The following NIBAN3 variants were observed in gnomAD, a reference collection of about 807,000 sequenced individuals.
NIBAN3 encodes the protein niban apoptosis regulator 3.
NIBAN3 carries 66 observed loss-of-function variants against 76.4 expected under a neutral mutation model. The observed-to-expected ratio is 0.86, with a 90% confidence interval of 0.71 to 1.06. The LOEUF is 1.06. NIBAN3 is among the 50% of genes least tolerant of loss of function. The pLI is 0.00. For synonymous variants in NIBAN3, 360 were observed against 355.2 expected, an observed-to-expected ratio of 1.01 and a Z score of -0.15; for missense variants, 808 against 810.7, an observed-to-expected ratio of 1.00 and a Z score of 0.04.
Position 17,540,383 on chromosome 19 carries a change from C to G in NIBAN3, c.980-9C>G. On this transcript the variant is annotated splice_polypyrimidine_tract_variant and intron_variant, in intron 8 of 14. Coordinates refer to ENST00000599164, the MANE Select transcript of NIBAN3 (RefSeq NM_001321827.2). ...GAGGGGACTCCAGACCAGTGTCTTC[C>G]ACTCCCAGCGGATATCAGGGGACCG... 1 of 1,471,012 alleles carries G rather than the reference C, an allele frequency of 6.8e-7. No individual in the cohort carries two copies. The highest frequency in any genetic ancestry group is 9.0e-7 in the Non-Finnish European group (1 of 1,106,136). The allele number at this position is 1,471,012 out of a possible 1,614,324, so 91.1% of individuals were successfully genotyped here. A position where few individuals can be genotyped will look rare whatever the true frequency, so the allele number is the denominator to read the frequency against.
chr19:17,536,709 A>G (rs976263778), intron 4 of NIBAN3, among the ~76,000 whole-genome samples: 1 of 152,198 alleles, frequency 6.6e-6, no homozygotes, highest in Non-Finnish European at 1.5e-5. Flanking sequence ...CTGGTCCCCA[A>G]ATAAATTAAC....
At chr19:17,524,210 C>T (rs1271694180), upstream of NIBAN3, among the ~76,000 whole-genome samples, 2 of 150,798 alleles carry the variant, frequency 1.3e-5, no homozygotes, top group African/African-American at 2.4e-5. Flanking sequence ...CTTTCATCTC[C>T]GTGACCCCTC....
Position 17,542,453 on chromosome 19 carries a change from G to A in NIBAN3, c.1329+159G>A, listed in dbSNP as rs2075972591. On this transcript the variant is annotated intron_variant, in intron 10 of 14. Coordinates refer to ENST00000599164, the MANE Select transcript of NIBAN3 (RefSeq NM_001321827.2). The surrounding 1 kb of genome is among the most constrained non-coding windows in gnomAD (Gnocchi z 4.8). Reference sequence around the variant, plus strand: ...GCCCGTGACCAGGCAGCAGCCACATGTGGTGGACAGAGCTGGGGCAGGGTG... The same window carrying A: ...GCCCGTGACCAGGCAGCAGCCACATATGGTGGACAGAGCTGGGGCAGGGTG... Among the ~76,000 whole-genome samples the A allele has an allele frequency of 6.6e-6, 1 of 152,236 alleles. No homozygotes were observed. Among genetic ancestry groups the A allele is most frequent in the African/African-American group, 2.4e-5 (1 of 41,458 alleles).
At chr19:17,524,705 C>T (rs1019088655), upstream of NIBAN3, among the ~76,000 whole-genome samples, 2 of 152,212 alleles carry the variant, frequency 1.3e-5, no homozygotes, top group African/African-American at 4.8e-5. Flanking sequence ...GGAGAGACAC[C>T]ATTCAGGGCT....
chr19:17,539,389 C>A lies in NIBAN3; in HGVS notation c.754C>A (p.Arg252=). ...GATGCGGGAGCAACTTCCCGCGCTG[C>A]GAGCCCAGACCCTTCCTGGCCTGCG... The part of the protein sequence containing the change: ...VLMREQLPAL[R]AQTLPGLRGA... Residue 252 remains arginine, a synonymous_variant, in exon 7 of 15, where the codon CGA becomes AGA. Transcript: ENST00000599164. 1 of 1,540,250 alleles carries A rather than the reference C, an allele frequency of 6.5e-7. No individual in the cohort carries two copies. The highest frequency in any genetic ancestry group is 8.7e-7 in the Non-Finnish European group (1 of 1,145,796).
chr19:17,553,795 T>C, downstream of NIBAN3: 1 of 460,214 alleles, frequency 2.2e-6, no homozygotes, highest in Non-Finnish European at 3.9e-6. Flanking sequence ...GGGATGTATC[T>C]TGTCACCTCC....
At position 17,553,464 on chromosome 19, in the gene NIBAN3, C is replaced by T. The variant is rs777782101; in HGVS notation, c.*1566C>T. On this transcript the variant is annotated 3_prime_UTR_variant, in exon 15 of 15. Coordinates refer to ENST00000599164, the MANE Select transcript of NIBAN3 (RefSeq NM_001321827.2). ...TCCGGAGTGGGTTCCACAGGGATTCCCGTGTGTTCTTGGTTCAGCTTGCAG... is the reference window on the plus strand; with the variant it reads ...TCCGGAGTGGGTTCCACAGGGATTCTCGTGTGTTCTTGGTTCAGCTTGCAG... 2.5e-6 allele frequency: 4 copies of T among 1,614,182 alleles called. No individual in the cohort carries two copies. Among genetic ancestry groups the T allele is most frequent in the Non-Finnish European group, 3.4e-6 (4 of 1,180,044 alleles).
chr19:17,540,447 GC>G lies in NIBAN3; in HGVS notation c.1039del (p.Arg347GlyfsTer57). The G allele has an allele frequency of 1.3e-6, 2 of 1,567,990 alleles. No individual in the cohort carries two copies. The highest frequency in any genetic ancestry group is 2.4e-5 in the East Asian group (1 of 41,892). The part of the protein sequence containing the change: ...CLRREVDPQL[P>X]RVVQTLLRTV... ...TGCGCCGGGAGGTGGACCCGCAGCT[GC>G]CCCGGGTCGTGCAGACCCTGCTGCG... On this transcript the variant is annotated frameshift_variant, in exon 9 of 15. Coordinates refer to ENST00000599164, the MANE Select transcript of NIBAN3 (RefSeq NM_001321827.2). LOFTEE classifies it high-confidence loss of function.
downstream of NIBAN3, chr19:17,555,514 C>T (rs2076203941): frequency 5.6e-6 from 2 of 357,180 alleles, no homozygotes; most frequent in Non-Finnish European, 8.7e-6. Context: ...GGTGCGGGGG[C>T]GGGGCGTCCT....
At chr19:17,524,724 A>G (rs2075588681), upstream of NIBAN3, among the ~76,000 whole-genome samples, 1 of 152,260 alleles carries the variant, frequency 6.6e-6, no homozygotes, top group South Asian at 2.1e-4. Flanking sequence ...CTGGTAGAGC[A>G]ATGTCACACA....
At chr19:17,529,739 A>G (rs1330500687) in intron 1 of NIBAN3, among the ~76,000 whole-genome samples, 2 of 152,202 alleles carry the variant, frequency 1.3e-5, no homozygotes, top group Admixed American at 1.3e-4. Flanking sequence ...TGATTGTGTC[A>G]AAGCTCAGCA....
chr19:17,531,595 G>T (rs768385344), intron 2 of NIBAN3, among the ~76,000 whole-genome samples: 1 of 152,078 alleles, frequency 6.6e-6, no homozygotes, highest in Non-Finnish European at 1.5e-5. Flanking sequence ...GTTCAGTGGC[G>T]CAATCTTAGC....
chr19:17,535,745 C>CAAAAAAAAAAAAAA (rs1163900162), intron 4 of NIBAN3, among the ~76,000 whole-genome samples: 1 of 86,026 alleles, frequency 1.2e-5, no homozygotes, highest in African/African-American at 4.4e-5. Flanking sequence ...AAGACTCTGT[C>CAAAAAAAAAAAAAA]AAAAAAAAAA....
chr19:17,529,165 A>T (rs2075664937), intron 1 of NIBAN3, among the ~76,000 whole-genome samples: 1 of 152,120 alleles, frequency 6.6e-6, no homozygotes, highest in Non-Finnish European at 1.5e-5. Context: ...TCATTCTCTT[A>T]TATGTAAAAT....
At chr19:17,547,290 G>A (rs1768039420) in intron 13 of NIBAN3, among the ~76,000 whole-genome samples, 1 of 148,188 alleles carries the variant, frequency 6.7e-6, no homozygotes, top group African/African-American at 2.5e-5. Context: ...GGAGGCGGAG[G>A]TTGCAGTGAG....
chr19:17,551,939 C>T lies in NIBAN3; in HGVS notation c.*41C>T, dbSNP rs754215798. 1 of 729,730 alleles carries T rather than the reference C, an allele frequency of 1.4e-6. No individual in the cohort carries two copies. The highest frequency in any genetic ancestry group is 1.4e-5 in the South Asian group (1 of 70,380). The allele number at this position is 729,730 out of a possible 1,614,324, so 45.2% of individuals were successfully genotyped here. A position where few individuals can be genotyped will look rare whatever the true frequency, so the allele number is the denominator to read the frequency against. ...TATCTTGTTTCTATTGGATAAATGT[C>T]TACAAGTGGAATTTCTGGGCCAAAA... On this transcript the variant is annotated 3_prime_UTR_variant, in exon 15 of 15. Transcript: ENST00000599164.
In NIBAN3 at chr19:17,530,514, G is replaced by C. The variant is rs528766029; in HGVS notation, c.56-241G>C. 9.0e-5 allele frequency among the ~76,000 whole-genome samples: 12 copies of C among 132,638 alleles called. No individual in the cohort carries two copies. In the South Asian group the frequency reaches 2.6e-3, roughly 29 times the overall value. The allele number at this position is 132,638 out of a possible 152,430, so 87.0% of individuals were successfully genotyped here. A position where few individuals can be genotyped will look rare whatever the true frequency, so the allele number is the denominator to read the frequency against. On this transcript the variant is annotated intron_variant, in intron 1 of 14. Transcript: ENST00000599164. ...TGCCACTGCACTTCAGCCTGGCAAC[G>C]GAGCAAGACTCCATCTCAAAAAAAA... is the stretch of plus-strand genomic sequence containing the variant.
chr19:17,545,555 G>A (rs2076037611), intron 12 of NIBAN3: 2 of 162,784 alleles, frequency 1.2e-5, no homozygotes, highest in African/African-American at 2.4e-5. Flanking sequence ...AAAGGGGCAG[G>A]GTAAAGAGTG....
intron 5 of NIBAN3, 46 bp from the exon 6 acceptor site, chr19:17,539,104 C>G: frequency 6.7e-7 from 1 of 1,497,322 alleles, no homozygotes; most frequent in South Asian, 1.2e-5. Context: ...CATCGGGAGC[C>G]AGGCAGGGGA....
Sources: allele counts gnomAD v4.1 joint callset (sites outside exome capture counted in the v4.1 genomes callset), GRCh38; gene constraint gnomAD v4.1.1; non-coding constraint Gnocchi (gnomAD v3.1); transcripts MANE v1.5; gene names NCBI Gene and HGNC (gene_info 2026-07-23, HGNC 2026-07-21).